Variants in SEMA5A observed in about 807,000 individuals in gnomAD.
SEMA5A encodes semaphorin 5A, also known as semaphorin-5A.
In SEMA5A, 55 loss-of-function variants were observed where a neutral mutation model predicts 135.5. The observed-to-expected ratio is 0.41, with a 90% CI of 0.33 to 0.51. The LOEUF (loss-of-function observed/expected upper bound fraction) is 0.51, where lower values mean the gene tolerates loss of function less well. Among genes scored for constraint, SEMA5A ranks in the 20% least tolerant of loss-of-function variants. The pLI, the probability that SEMA5A is intolerant of heterozygous loss-of-function variation, is 0.37. For missense variants in SEMA5A, 1,290 were observed against 1,419.9 expected (o/e 0.91, Z 1.47); for synonymous variants, 580 against 546.5 (o/e 1.06, Z -0.85).
Position 9,379,951 on chromosome 5 carries a change from G to A in SEMA5A, c.-5C>T, listed in dbSNP as rs1326739102. The stretch of plus-strand genomic sequence containing the variant: ...TATAACACAGGTTCCCTTCATGGTG[G>A]GCAAGGGGCCTCTGACTCTGGGCAC... On this transcript the variant is annotated 5_prime_UTR_variant, in exon 3 of 23. Transcript: ENST00000382496. 4.4e-6 allele frequency: 7 copies of A among 1,607,968 alleles called. No individual in the cohort carries two copies. The South Asian group carries it at 5.5e-5, about 13-fold the overall frequency.
intron 4 of SEMA5A, among the ~76,000 whole-genome samples, 186 bp from the exon 5 acceptor site, chr5:9,318,603 T>C (rs966486162): frequency 6.6e-6 from 1 of 152,202 alleles, no homozygotes; most frequent in Non-Finnish European, 1.5e-5. Flanking sequence ...GGTCAACAAA[T>C]ACACATTAGA....
At chr5:9,172,193 T>A (rs1344952448) in intron 11 of SEMA5A, among the ~76,000 whole-genome samples, 1 of 152,180 alleles carries the variant, frequency 6.6e-6, no homozygotes, top group Non-Finnish European at 1.5e-5. Context: ...GACAACTGGC[T>A]ATTATCCAAT....
At chr5:9,047,902 C>T (rs1736357690) in intron 21 of SEMA5A, among the ~76,000 whole-genome samples, 1 of 152,198 alleles carries the variant, frequency 6.6e-6, no homozygotes, top group South Asian at 2.1e-4. Flanking sequence ...ATGGGCTTTG[C>T]ACCAGGTTCT....
In SEMA5A at chr5:9,058,166, TTAGTAA is replaced by T. The variant is rs1736995149; in HGVS notation, c.2519-3915_2519-3910del. Among the ~76,000 whole-genome samples the T allele has an allele frequency of 2.6e-5, 4 of 152,132 alleles. No homozygotes were observed. The South Asian group carries it at 8.3e-4, about 32-fold the overall frequency. ...ACTATATTGGACTAAAAAAATAACA[TTAGTAA>T]TAGTAATAATTAAAATAATAAACTC... is the stretch of plus-strand genomic sequence containing the variant. On this transcript the variant is annotated intron_variant, in intron 18 of 22. Coordinates refer to ENST00000382496, the MANE Select transcript of SEMA5A (RefSeq NM_003966.3).
intron 1 of SEMA5A, chr5:9,520,105 TAGC>T (rs1736739595): frequency 6.6e-6 from 1 of 152,358 alleles, no homozygotes; most frequent in Admixed American, 6.5e-5. Flanking sequence ...TCACCTGGCC[TAGC>T]AGCAGCCATT....
chr5:9,274,575 G>C lies in SEMA5A; in HGVS notation c.271-36685C>G, dbSNP rs201889517. ...ACTTATTCTAAAATTGACCACGTAAGTGGATGTAAAACACTCCTCAGCAAA... is the reference window on the plus strand; with the variant it reads ...ACTTATTCTAAAATTGACCACGTAACTGGATGTAAAACACTCCTCAGCAAA... On this transcript the variant is annotated intron_variant, in intron 5 of 22. Coordinates refer to ENST00000382496, the MANE Select transcript of SEMA5A (RefSeq NM_003966.3). 5.3e-5 allele frequency among the ~76,000 whole-genome samples: 8 copies of C among 152,184 alleles called. No homozygotes were observed. In the East Asian group the frequency reaches 1.5e-3, roughly 29 times the overall value.
chr5:9,458,726 C>A (rs1448278658), intron 1 of SEMA5A, among the ~76,000 whole-genome samples: 1 of 152,150 alleles, frequency 6.6e-6, no homozygotes, highest in Non-Finnish European at 1.5e-5. Flanking sequence ...AGCACAGGAA[C>A]CCTGAATTGC....
chr5:9,159,026 T>A (rs1374371687), intron 11 of SEMA5A, among the ~76,000 whole-genome samples: 1 of 152,182 alleles, frequency 6.6e-6, no homozygotes, highest in African/African-American at 2.4e-5. Context: ...TATCTGAAAT[T>A]CAAATTTAAG....
At chr5:9,262,971 A>T (rs1749481826) in intron 5 of SEMA5A, among the ~76,000 whole-genome samples, 1 of 150,176 alleles carries the variant, frequency 6.7e-6, no homozygotes, top group African/African-American at 2.4e-5. Flanking sequence ...ATAAAAATAA[A>T]AATAAAATTT....
At position 9,352,052 on chromosome 5, in the gene SEMA5A, A is replaced by G. The variant is rs561107101; in HGVS notation, c.125-14240T>C. 6.0e-5 allele frequency among the ~76,000 whole-genome samples: 8 copies of G among 134,206 alleles called. No homozygotes were observed. The East Asian group carries it at 1.9e-3, about 33-fold the overall frequency. 88.0% of individuals were successfully genotyped at this position (134,206 alleles called of 152,430 possible). A position where few individuals can be genotyped will look rare whatever the true frequency, so the allele number is the denominator to read the frequency against. Reference sequence around the variant, plus strand: ...TCCATCCTGTCTGAATTATCTTCCTATGTACTCCCTGTTTACTCAAATTCT... The same window carrying G: ...TCCATCCTGTCTGAATTATCTTCCTGTGTACTCCCTGTTTACTCAAATTCT... On this transcript the variant is annotated intron_variant, in intron 3 of 22. Transcript: ENST00000382496.
chr5:9,310,488 G>C (rs1752076423), intron 5 of SEMA5A, among the ~76,000 whole-genome samples: 1 of 152,022 alleles, frequency 6.6e-6, no homozygotes, highest in African/African-American at 2.4e-5. Context: ...TGATTTTTGA[G>C]AGCTGTGGGG....
chr5:9,449,243 A>T (rs1027485176), intron 1 of SEMA5A, among the ~76,000 whole-genome samples: 3 of 152,246 alleles, frequency 2.0e-5, no homozygotes, highest in Non-Finnish European at 2.9e-5. Flanking sequence ...AGCCATTAAA[A>T]GGGACGAGAT....
At chr5:9,083,691 T>C (rs1022528396) in intron 16 of SEMA5A, among the ~76,000 whole-genome samples, 1 of 152,182 alleles carries the variant, frequency 6.6e-6, no homozygotes, top group African/African-American at 2.4e-5. Flanking sequence ...AGATTCCTCC[T>C]GAGAATTCTC....
chr5:9,444,357 T>G (rs1758351246), intron 1 of SEMA5A, among the ~76,000 whole-genome samples: 1 of 152,120 alleles, frequency 6.6e-6, no homozygotes. Flanking sequence ...CCCTTTCCCC[T>G]GAGTCCCCAA....
At chr5:9,489,370 T>C (rs1205369937) in intron 1 of SEMA5A, among the ~76,000 whole-genome samples, 2 of 152,120 alleles carry the variant, frequency 1.3e-5, no homozygotes, top group Non-Finnish European at 2.9e-5. Context: ...GGGAACAAAA[T>C]GTCAGCCTTT....
At chr5:9,299,321 T>A (rs1751494317) in intron 5 of SEMA5A, among the ~76,000 whole-genome samples, 1 of 152,088 alleles carries the variant, frequency 6.6e-6, no homozygotes, top group Admixed American at 6.5e-5. Flanking sequence ...CAGGAATTGA[T>A]GTGGATGGAG....
intron 5 of SEMA5A, among the ~76,000 whole-genome samples, chr5:9,256,727 AC>A (rs1365500588): frequency 6.6e-6 from 1 of 152,154 alleles, no homozygotes; most frequent in Non-Finnish European, 1.5e-5. Context: ...CCCATAAGAG[AC>A]CCTGATTAAA....
At chr5:9,339,071 T>C (rs895913210) in intron 3 of SEMA5A, among the ~76,000 whole-genome samples, 7 of 152,158 alleles carry the variant, frequency 4.6e-5, no homozygotes, top group Non-Finnish European at 8.8e-5. Context: ...GATTTTCATA[T>C]AAATTTCTAC....
chr5:9,076,173 C>T (rs1433768584), intron 16 of SEMA5A, among the ~76,000 whole-genome samples: 3 of 145,300 alleles, frequency 2.1e-5, no homozygotes, highest in Non-Finnish European at 3.0e-5. Flanking sequence ...CCACTGCACT[C>T]CAACCTGGTG....
Sources: allele counts gnomAD v4.1 joint callset (sites outside exome capture counted in the v4.1 genomes callset), GRCh38; gene constraint gnomAD v4.1.1; transcripts MANE v1.5; gene names NCBI Gene and HGNC (gene_info 2026-07-23, HGNC 2026-07-21).